The following NR3C2 variants were observed in gnomAD, a reference collection of about 807,000 sequenced individuals.
The protein encoded by NR3C2 is nuclear receptor subfamily 3 group C member 2, also known as mineralocorticoid receptor.
NR3C2 carries 15 observed loss-of-function variants against 86.4 expected under a neutral mutation model. The ratio of observed to expected loss-of-function variants is 0.17; its 90% confidence interval spans 0.12 to 0.27. The LOEUF (loss-of-function observed/expected upper bound fraction) is 0.27, where lower values mean the gene tolerates loss of function less well. NR3C2 is among the 10% of genes least tolerant of loss of function. The pLI is 1.00. For missense variants in NR3C2, 960 were observed against 1,195.6 expected, an observed-to-expected ratio of 0.80 and a Z score of 2.91; for synonymous variants, 458 against 450.5, an observed-to-expected ratio of 1.02 and a Z score of -0.21.
intron 2 of NR3C2, among the ~76,000 whole-genome samples, chr4:148,271,832 G>A (rs779047330): frequency 6.6e-6 from 1 of 152,050 alleles, no homozygotes; most frequent in Admixed American, 6.6e-5. Flanking sequence ...TGGTTGGAGT[G>A]GAAGAAGAAA....
intron 2 of NR3C2, among the ~76,000 whole-genome samples, chr4:148,271,589 C>A (rs920386090): frequency 2.6e-5 from 4 of 152,086 alleles, no homozygotes; most frequent in African/African-American, 9.7e-5. Context: ...TTGCACGCTA[C>A]TCTATTTTTA....
At chr4:148,230,983 G>A (rs1738431730) in intron 3 of NR3C2, among the ~76,000 whole-genome samples, 1 of 152,328 alleles carries the variant, frequency 6.6e-6, no homozygotes, top group Admixed American at 6.5e-5. Context: ...TCTAAGATGT[G>A]TGTGGTGGTC....
chr4:148,078,779 AT>A lies in NR3C2; in HGVS notation c.*2564del, dbSNP rs1730406303. The A allele has an allele frequency of 1.3e-5, 2 of 152,620 alleles. No individual in the cohort carries two copies. Among genetic ancestry groups the A allele is most frequent in the Admixed American group, 1.3e-4 (2 of 15,276 alleles). The allele number at this position is 152,620 out of a possible 1,614,324, so 9.5% of individuals were successfully genotyped here. Reference sequence around the variant, plus strand: ...AAACAACAGGTGATTAAAGTAAAGGATTTATTGTAATCTGCTTACAGTCCTT... The same window carrying A: ...AAACAACAGGTGATTAAAGTAAAGGATTATTGTAATCTGCTTACAGTCCTT... On this transcript the variant is annotated 3_prime_UTR_variant, in exon 9 of 9. Transcript: ENST00000358102.
At chr4:148,290,583 T>G (rs143545353) in intron 2 of NR3C2, among the ~76,000 whole-genome samples, 1 of 152,274 alleles carries the variant, frequency 6.6e-6, no homozygotes, top group Non-Finnish European at 1.5e-5. Context: ...AAAAAACAAC[T>G]TTATTACAAT....
intron 8 of NR3C2, among the ~76,000 whole-genome samples, chr4:148,084,073 A>C (rs1730701635): frequency 6.6e-6 from 1 of 152,256 alleles, no homozygotes; most frequent in African/African-American, 2.4e-5. Flanking sequence ...GAAGGGGAGA[A>C]TAGAACCAAG....
chr4:148,123,876 A>G (rs1335186926), intron 6 of NR3C2, among the ~76,000 whole-genome samples: 1 of 151,938 alleles, frequency 6.6e-6, no homozygotes, highest in Non-Finnish European at 1.5e-5. Context: ...CTTGCACTTT[A>G]CTCCTGAGTT....
At chr4:148,155,743 C>T (rs1005081305) in intron 4 of NR3C2, among the ~76,000 whole-genome samples, 6 of 150,122 alleles carry the variant, frequency 4.0e-5, no homozygotes, top group East Asian at 2.0e-4. Flanking sequence ...ACTTTCTTCA[C>T]GGAATTGGAA....
intron 2 of NR3C2, among the ~76,000 whole-genome samples, chr4:148,375,166 G>A (rs991623506): frequency 1.3e-5 from 2 of 152,092 alleles, no homozygotes; most frequent in African/African-American, 2.4e-5. Context: ...CAATAAAACT[G>A]CAAAATCGGC....
intron 2 of NR3C2, among the ~76,000 whole-genome samples, chr4:148,416,160 A>G (rs1005100791): frequency 5.9e-5 from 9 of 152,238 alleles, no homozygotes; most frequent in African/African-American, 2.2e-4. Context: ...CTAATCGCCA[A>G]TTCACTGGGA....
rs559317195 is a variant in NR3C2, at chr4:148,335,272, T to C, written c.1758-75155A>G. 5.3e-5 allele frequency among the ~76,000 whole-genome samples: 8 copies of C among 152,342 alleles called. No homozygotes were observed. In the East Asian group the frequency reaches 1.3e-3, roughly 26 times the overall value. On this transcript the variant is annotated intron_variant, in intron 2 of 8. Transcript: ENST00000358102. Reference sequence around the variant, plus strand: ...GCTGGTGGATGTTAACAATGTACCATTTAATTTTGATCATTGACTTCTGTA... The same window carrying C: ...GCTGGTGGATGTTAACAATGTACCACTTAATTTTGATCATTGACTTCTGTA...
At chr4:148,229,633 C>T (rs1738360521) in intron 3 of NR3C2, among the ~76,000 whole-genome samples, 1 of 152,108 alleles carries the variant, frequency 6.6e-6, no homozygotes, top group Non-Finnish European at 1.5e-5. Context: ...ATACATGTTA[C>T]CACAGGCCAC....
chr4:148,307,393 C>CCTAAAAT (rs1742682780), intron 2 of NR3C2, among the ~76,000 whole-genome samples: 1 of 152,094 alleles, frequency 6.6e-6, no homozygotes, highest in South Asian at 2.1e-4. Flanking sequence ...TCAACAGAAT[C>CCTAAAAT]ATAAGTTATG....
intron 2 of NR3C2, among the ~76,000 whole-genome samples, chr4:148,362,009 T>C (rs1745863037): frequency 1.3e-5 from 2 of 152,048 alleles, no homozygotes; most frequent in Non-Finnish European, 2.9e-5. Context: ...AGCTAACTTT[T>C]GTATTTTTAG....
At chr4:148,241,134 C>T (rs540144316) in intron 3 of NR3C2, among the ~76,000 whole-genome samples, 10 of 151,540 alleles carry the variant, frequency 6.6e-5, no homozygotes, top group South Asian at 2.1e-4. Context: ...GGTGAAACCC[C>T]GTCTCTACTA....
rs72653892 is a variant in NR3C2 at position 148,238,203 on chromosome 4, C to CA, written c.1897+21774dup. Among the ~76,000 whole-genome samples, 525 of 152,262 alleles carry CA rather than the reference C, an allele frequency of 3.4e-3. 2 individuals carry two copies. The highest frequency in any genetic ancestry group is 0.012 in the African/African-American group (495 of 41,548). ...TGCAATTACAGATGGAAATGACACT[C>CA]AAATTTATCTATGGTATTTGTTTCC... On this transcript the variant is annotated intron_variant, in intron 3 of 8. Coordinates refer to ENST00000358102, the MANE Select transcript of NR3C2 (RefSeq NM_000901.5).
intron 2 of NR3C2, among the ~76,000 whole-genome samples, chr4:148,401,188 G>A (rs1748142029): frequency 6.6e-6 from 1 of 152,184 alleles, no homozygotes; most frequent in Admixed American, 6.5e-5. Flanking sequence ...CCAACTAGAT[G>A]AGAAAATACA....
intron 8 of NR3C2, among the ~76,000 whole-genome samples, chr4:148,100,341 A>G (rs995752249): frequency 1.3e-5 from 2 of 152,212 alleles, no homozygotes; most frequent in Admixed American, 1.3e-4. Context: ...ATAAGGGGCC[A>G]ATGTACAGAA....
chr4:148,399,707 C>T (rs903492400), intron 2 of NR3C2, among the ~76,000 whole-genome samples: 3 of 138,076 alleles, frequency 2.2e-5, no homozygotes, highest in African/African-American at 2.5e-5. Context: ...CACACACACA[C>T]ACATACATAT....
At chr4:148,340,126 C>A (rs564264488) in intron 2 of NR3C2, among the ~76,000 whole-genome samples, 10 of 152,022 alleles carry the variant, frequency 6.6e-5, no homozygotes, top group Non-Finnish European at 1.5e-4. Context: ...TATCAAAATA[C>A]CAATGACATT....
Sources: gnomAD v4.1 joint callset for allele counts (sites outside exome capture counted in the v4.1 genomes callset) on GRCh38, gnomAD v4.1.1 for gene constraint, MANE v1.5 for transcripts, NCBI Gene and HGNC (gene_info 2026-07-23, HGNC 2026-07-21) for gene names.